Variants in TMEM232 observed in about 807,000 individuals in gnomAD.
The protein encoded by TMEM232 is transmembrane protein 232.
TMEM232 carries 80 observed loss-of-function variants against 78.8 expected under a neutral mutation model. That is an observed-to-expected ratio of 1.01 (90% CI 0.85 to 1.22). The LOEUF (loss-of-function observed/expected upper bound fraction) is 1.22. Among genes scored for constraint, TMEM232 ranks in the 50% most tolerant of loss-of-function variants. TMEM232 has a pLI of 0.00. For missense variants in TMEM232, 881 were observed against 742.2 expected (o/e 1.19, Z -2.17); for synonymous variants, 297 against 254.3 (o/e 1.17, Z -1.60).
chr5:110,545,299 G>A (rs567449531), intron 11 of TMEM232, among the ~76,000 whole-genome samples: 7 of 152,080 alleles, frequency 4.6e-5, no homozygotes, highest in African/African-American at 1.7e-4. Context: ...TGATGATGGT[G>A]GTAGGAGAGC....
At chr5:110,660,530 A>C (rs1387590790) in intron 2 of TMEM232, among the ~76,000 whole-genome samples, 1 of 152,146 alleles carries the variant, frequency 6.6e-6, no homozygotes, top group African/African-American at 2.4e-5. Flanking sequence ...AACAGGAAAT[A>C]AAATAAAAAG....
chr5:110,576,733 C>T (rs1245284008), intron 10 of TMEM232, among the ~76,000 whole-genome samples: 1 of 152,042 alleles, frequency 6.6e-6, no homozygotes, highest in African/African-American at 2.4e-5. Context: ...TAAGACCACA[C>T]ACCTACAATT....
chr5:110,523,922 G>A (rs1449831075), intron 12 of TMEM232, among the ~76,000 whole-genome samples: 3 of 129,388 alleles, frequency 2.3e-5, no homozygotes, highest in East Asian at 2.4e-4. Context: ...GTCTGCCACA[G>A]AACTCTAGCC....
intron 1 of TMEM232, among the ~76,000 whole-genome samples, chr5:110,722,090 T>G (rs993460550): frequency 6.6e-6 from 1 of 151,822 alleles, no homozygotes; most frequent in African/African-American, 2.4e-5. Flanking sequence ...CTGCAGAAGA[T>G]AGAGATGTGG....
chr5:110,641,023 A>T, intron 3 of TMEM232, 27 bp from the exon 4 acceptor site: 1 of 1,386,484 alleles, frequency 7.2e-7, no homozygotes, highest in South Asian at 1.5e-5. Context: ...TGAAAAAGAC[A>T]AATCAAAATG....
chr5:110,535,057 T>C (rs1483277385), intron 11 of TMEM232, among the ~76,000 whole-genome samples: 3 of 152,028 alleles, frequency 2.0e-5, no homozygotes, highest in African/African-American at 7.2e-5. Flanking sequence ...CCCAAAAATT[T>C]TTACTGTCCC....
At chr5:110,547,809 C>A (rs971055310) in intron 11 of TMEM232, among the ~76,000 whole-genome samples, 4 of 151,796 alleles carry the variant, frequency 2.6e-5, no homozygotes, top group Non-Finnish European at 4.4e-5. Flanking sequence ...ACCAGCCTGT[C>A]CGGCATGGTG....
chr5:110,576,968 C>T (rs972734974), intron 10 of TMEM232, among the ~76,000 whole-genome samples: 1 of 151,886 alleles, frequency 6.6e-6, no homozygotes, highest in African/African-American at 2.4e-5. Flanking sequence ...CCAGGACACA[C>T]ACACAAGCAA....
chr5:110,581,342 G>C (rs541240124), intron 10 of TMEM232, among the ~76,000 whole-genome samples: 1 of 151,906 alleles, frequency 6.6e-6, no homozygotes, highest in Admixed American at 6.6e-5. Context: ...GAACAGTATA[G>C]AGAACCGAGA....
intron 3 of TMEM232, among the ~76,000 whole-genome samples, chr5:110,395,200 G>T (rs963988604): frequency 7.2e-5 from 11 of 152,078 alleles, no homozygotes; most frequent in African/African-American, 2.7e-4. Flanking sequence ...CTTTCTAGAA[G>T]TTTAAGGCCT....
At chr5:110,622,603 T>A (rs1049156904) in intron 7 of TMEM232, among the ~76,000 whole-genome samples, 3 of 152,138 alleles carry the variant, frequency 2.0e-5, no homozygotes, top group Admixed American at 2.0e-4. Context: ...GTTGGACATT[T>A]GGGTTGGTTC....
chr5:110,584,426 C>T (rs1379730607), intron 10 of TMEM232, among the ~76,000 whole-genome samples: 1 of 152,024 alleles, frequency 6.6e-6, no homozygotes, highest in African/African-American at 2.4e-5. Flanking sequence ...CATGATTCCA[C>T]TAAATGAGGT....
intron 1 of TMEM232, among the ~76,000 whole-genome samples, chr5:110,678,456 C>T (rs577903004): frequency 2.6e-5 from 4 of 152,206 alleles, no homozygotes; most frequent in East Asian, 1.9e-4. Flanking sequence ...ACTTGCTCAG[C>T]CTGTCCTATT....
chr5:110,460,805 T>C (rs1416143919), intron 12 of TMEM232, among the ~76,000 whole-genome samples: 3 of 152,082 alleles, frequency 2.0e-5, no homozygotes, highest in South Asian at 2.1e-4. Context: ...ATTTAAAACA[T>C]TTTCATTATC....
At chr5:110,623,267 C>T (rs1784009067) in intron 7 of TMEM232, among the ~76,000 whole-genome samples, 1 of 151,722 alleles carries the variant, frequency 6.6e-6, no homozygotes, top group Non-Finnish European at 1.5e-5. Flanking sequence ...TCGTAATATC[C>T]TATAAAACTT....
intron 12 of TMEM232, among the ~76,000 whole-genome samples, chr5:110,460,660 T>C (rs1191591107): frequency 2.0e-5 from 3 of 148,562 alleles, no homozygotes; most frequent in African/African-American, 5.2e-5. Context: ...TGCACAGATA[T>C]TGCATTTTTC....
chr5:110,505,496 T>C (rs1483723288), intron 12 of TMEM232, among the ~76,000 whole-genome samples: 1 of 152,032 alleles, frequency 6.6e-6, no homozygotes, highest in Non-Finnish European at 1.5e-5. Context: ...ATACACATTG[T>C]TTTTCTTTTC....
intron 2 of TMEM232, among the ~76,000 whole-genome samples, chr5:110,413,701 GTGTAGTACTA>G (rs1756081967): frequency 1.3e-5 from 2 of 152,236 alleles, no homozygotes; most frequent in South Asian, 4.1e-4. Flanking sequence ...GTTGGGTTAT[GTGTAGTACTA>G]TGTAACTCCT....
chr5:110,487,243 A>G (rs1429143949), intron 12 of TMEM232, among the ~76,000 whole-genome samples: 1 of 152,056 alleles, frequency 6.6e-6, no homozygotes, highest in Non-Finnish European at 1.5e-5. Flanking sequence ...GTAAATGATC[A>G]TATCTTCAGC....
Sources: gnomAD v4.1 joint callset for allele counts (sites outside exome capture counted in the v4.1 genomes callset) on GRCh38, gnomAD v4.1.1 for gene constraint, MANE v1.5 for transcripts, NCBI Gene and HGNC (gene_info 2026-07-23, HGNC 2026-07-21) for gene names.